MYO5A: variants seen among roughly 807,000 people sequenced by gnomAD.
MYO5A encodes unconventional myosin-Va.
A neutral mutation model predicts 249.7 loss-of-function variants in MYO5A; 98 were observed. That is an observed-to-expected ratio of 0.39 (90% confidence interval 0.33 to 0.46). The LOEUF (loss-of-function observed/expected upper bound fraction) is 0.46. MYO5A is among the 20% of genes least tolerant of loss of function. The pLI, the probability that MYO5A is intolerant of heterozygous loss-of-function variation, is 0.98. For missense variants in MYO5A, 1,696 were observed against 2,308.8 expected, an observed-to-expected ratio of 0.73 and a Z score of 5.44; for synonymous variants, 778 against 810.6, an observed-to-expected ratio of 0.96 and a Z score of 0.68.
At position 52,425,907 on chromosome 15, in the gene MYO5A, T is replaced by G; in HGVS notation, c.378A>C (p.Ala126=). The G allele has an allele frequency of 6.2e-7, 1 of 1,613,324 alleles. No individual in the cohort carries two copies. The highest frequency in any genetic ancestry group is 1.7e-4 in the Middle Eastern group (1 of 6,058). Residue 126 remains alanine, a synonymous_variant, in exon 4 of 42, where the codon GCA becomes GCC. Transcript: ENST00000399233. ...TATCACCCATGTTCTGACCACTGTATGCATTAATAATATCTTCTCCATAAA... is the reference window on the plus strand; with the variant it reads ...TATCACCCATGTTCTGACCACTGTAGGCATTAATAATATCTTCTCCATAAA... ...LPIYGEDIIN[A]YSGQNMGDMD...
intron 20 of MYO5A, among the ~76,000 whole-genome samples, chr15:52,374,766 C>G (rs942272911): frequency 6.6e-6 from 1 of 152,094 alleles, no homozygotes; most frequent in Non-Finnish European, 1.5e-5. Context: ...TGATTTTGTC[C>G]CATTGATAAT....
At chr15:52,314,531 T>A (rs536125964) in intron 40 of MYO5A, among the ~76,000 whole-genome samples, 2 of 152,356 alleles carry the variant, frequency 1.3e-5, no homozygotes, top group East Asian at 1.9e-4. Flanking sequence ...GTTAACCATG[T>A]CCTGAACACC....
At chr15:52,472,938 T>C (rs1415948175) in intron 1 of MYO5A, among the ~76,000 whole-genome samples, 1 of 152,236 alleles carries the variant, frequency 6.6e-6, no homozygotes, top group Non-Finnish European at 1.5e-5. Flanking sequence ...AAATGGTATT[T>C]CTAGTTCTAG....
chr15:52,396,380 A>C lies in MYO5A; in HGVS notation c.1337T>G (p.Ile446Arg). 1 of 1,564,948 alleles carries C rather than the reference A, an allele frequency of 6.4e-7. No homozygotes were observed. The highest frequency in any genetic ancestry group is 1.3e-5 in the African/African-American group (1 of 74,104). Reference sequence around the variant, plus strand: ...TATGCAAAACTGTTCAAAACTATTTATCTCAAATGTTTCAAATCTGTAACC... The same window carrying C: ...TATGCAAAACTGTTCAAAACTATTTCTCTCAAATGTTTCAAATCTGTAACC... ...LDIYGFETFEINSFEQFCINY... is the reference protein window; with the variant it reads ...LDIYGFETFERNSFEQFCINY... Residue 446 changes from isoleucine to arginine, a missense_variant, in exon 11 of 42, where the codon ATA becomes AGA. By Grantham distance (97) the Ile-to-Arg change is moderately conservative. Transcript: ENST00000399233.
chr15:52,328,436 C>A (rs2038713251), intron 35 of MYO5A, among the ~76,000 whole-genome samples: 1 of 152,174 alleles, frequency 6.6e-6, no homozygotes, highest in African/African-American at 2.4e-5. Flanking sequence ...CCTTTCTTTT[C>A]TCATACCACA....
At chr15:52,375,531 T>A in intron 19 of MYO5A, 71 bp from the exon 20 acceptor site, 1 of 1,525,182 alleles carries the variant, frequency 6.6e-7, no homozygotes. Flanking sequence ...TAGAGAAACT[T>A]AAAGAGTGTC....
At chr15:52,409,882 G>T (rs146943759) in intron 6 of MYO5A, among the ~76,000 whole-genome samples, 304 of 152,110 alleles carry the variant, frequency 2.0e-3, no homozygotes, top group Non-Finnish European at 3.7e-3. Context: ...GGGTTGTGAA[G>T]ATTTTTTTTT....
chr15:52,346,261 A>G (rs1464619930), intron 30 of MYO5A, 100 bp downstream of exon 30: 21 of 745,412 alleles, frequency 2.8e-5, no homozygotes, highest in Non-Finnish European at 1.4e-5. Flanking sequence ...AATGTCTAAT[A>G]TAAAGGAATG....
At chr15:52,459,659 G>GC (rs963450052) in intron 1 of MYO5A, among the ~76,000 whole-genome samples, 1 of 152,202 alleles carries the variant, frequency 6.6e-6, no homozygotes, top group Admixed American at 6.5e-5. Context: ...TGTCATCACG[G>GC]CCCGCTCTCA....
At chr15:52,314,258 T>C in intron 40 of MYO5A, 55 bp from the exon 41 acceptor site, 1 of 1,261,914 alleles carries the variant, frequency 7.9e-7, no homozygotes, top group Non-Finnish European at 1.2e-6. Context: ...ACACACTGGG[T>C]ACCTATAATC....
chr15:52,404,267 CAAAAAA>C (rs61505096), intron 9 of MYO5A, among the ~76,000 whole-genome samples: 2 of 87,598 alleles, frequency 2.3e-5, no homozygotes, highest in Admixed American at 1.3e-4. Flanking sequence ...AACTCCGTCT[CAAAAAA>C]AAAAAAAAAA....
chr15:52,388,212 C>T (rs927341117), intron 13 of MYO5A, among the ~76,000 whole-genome samples: 1 of 152,170 alleles, frequency 6.6e-6, no homozygotes, highest in Non-Finnish European at 1.5e-5. Flanking sequence ...GGCCAGAGAG[C>T]TCTTCCAAGG....
At chr15:52,327,266 T>A (rs1279760591) in intron 36 of MYO5A, among the ~76,000 whole-genome samples, 1 of 152,248 alleles carries the variant, frequency 6.6e-6, no homozygotes, top group Non-Finnish European at 1.5e-5. Context: ...TCAAACTATA[T>A]CTGTCCATGA....
chr15:52,321,304 T>C, intron 38 of MYO5A, 55 bp downstream of exon 38: 1 of 1,609,598 alleles, frequency 6.2e-7, no homozygotes, highest in South Asian at 1.1e-5. Flanking sequence ...TGGCTACTTA[T>C]CGATGGGCAT....
At chr15:52,430,997 C>T (rs1009363139) in intron 2 of MYO5A, among the ~76,000 whole-genome samples, 5 of 151,346 alleles carry the variant, frequency 3.3e-5, no homozygotes, top group South Asian at 2.1e-4. Flanking sequence ...TTTGGGAGGC[C>T]GAGGTGGGTG....
intron 4 of MYO5A, among the ~76,000 whole-genome samples, chr15:52,419,279 T>G (rs978364201): frequency 6.6e-6 from 1 of 152,222 alleles, no homozygotes; most frequent in African/African-American, 2.4e-5. Context: ...TAATTGTTTC[T>G]CCCTTTATCC....
At chr15:52,506,520 C>T (rs2077275314) in intron 1 of MYO5A, among the ~76,000 whole-genome samples, 2 of 143,692 alleles carry the variant, frequency 1.4e-5, no homozygotes, top group African/African-American at 2.6e-5. Flanking sequence ...GAGTGAGACC[C>T]TTTCTCAAAA....
intron 1 of MYO5A, among the ~76,000 whole-genome samples, chr15:52,478,203 C>T (rs554953232): frequency 3.9e-4 from 60 of 152,336 alleles, no homozygotes; most frequent in African/African-American, 1.4e-3. Context: ...GTGTGGGACC[C>T]TCCGAGCCAG....
chr15:52,441,553 A>G (rs972513500), intron 1 of MYO5A, among the ~76,000 whole-genome samples: 3 of 152,238 alleles, frequency 2.0e-5, no homozygotes, highest in African/African-American at 7.2e-5. Context: ...TGAACAAGCC[A>G]TGCTGTTTCA....
Sources: allele counts gnomAD v4.1 joint callset (sites outside exome capture counted in the v4.1 genomes callset), GRCh38; gene constraint gnomAD v4.1.1; transcripts MANE v1.5; gene names NCBI Gene and HGNC (gene_info 2026-07-23, HGNC 2026-07-21).